The following FBXO9 variants were observed in gnomAD, a reference collection of about 807,000 sequenced individuals.
FBXO9 encodes the protein F-box only protein 9.
In FBXO9, 43 loss-of-function variants were observed where a neutral mutation model predicts 63.7. The observed-to-expected ratio is 0.67, with a 90% CI of 0.53 to 0.87. The LOEUF (loss-of-function observed/expected upper bound fraction) is 0.87. Ranked by LOEUF, FBXO9 falls within the 40% of genes least tolerant of loss-of-function variation. FBXO9 has a pLI of 0.00. For synonymous variants in FBXO9, 156 were observed against 171.7 expected (o/e 0.91, Z 0.72); for missense variants, 442 against 533.2 (o/e 0.83, Z 1.68).
chr6:53,089,454 A>C (rs1762985770), intron 7 of FBXO9, among the ~76,000 whole-genome samples: 1 of 152,208 alleles, frequency 6.6e-6, no homozygotes, highest in Non-Finnish European at 1.5e-5. Context: ...TTTTCAGAAG[A>C]AGCAAGGGAA....
chr6:53,093,433 G>T (rs1287576265), intron 9 of FBXO9, 33 bp from the exon 10 acceptor site: 3 of 1,415,918 alleles, frequency 2.1e-6, no homozygotes, highest in Non-Finnish European at 1.0e-6. Context: ...TGTGTGGGGG[G>T]TGTGTTTTGG....
chr6:53,071,059 A>T lies in FBXO9; in HGVS notation c.6A>T (p.Ala2=). The stretch of plus-strand genomic sequence containing the variant: ...TTATTTGGGTTTTCCCCCCTCAGGC[A>T]GAAGCTGAGGAAGATTGTCATTCTG... M[A]EAEEDCHSDT... The change falls in exon 2 of 13, where the codon GCA becomes GCT. Residue 2 remains alanine (A), a splice_region_variant and synonymous_variant. Transcript: ENST00000323557. 6.4e-7 allele frequency: 1 copy of T among 1,571,050 alleles called. No homozygotes were observed.
chr6:53,095,758 G>A, intron 12 of FBXO9, 94 bp downstream of exon 12: 2 of 1,231,432 alleles, frequency 1.6e-6, no homozygotes, highest in South Asian at 3.2e-5. Flanking sequence ...ATTTCTCAGA[G>A]TTAACACTAC....
Position 53,082,498 on chromosome 6 carries a change from T to C in FBXO9, c.539-6T>C. On this transcript the variant is annotated splice_polypyrimidine_tract_variant and splice_region_variant and intron_variant, in intron 6 of 12. Coordinates refer to ENST00000323557, the MANE Select transcript of FBXO9 (RefSeq NM_033480.3). ...AGAGTCACTGAAGGATGATTTTCTT[T>C]TGCAGTGCTGCCAATGGAGGTCCTG... 6.2e-7 allele frequency: 1 copy of C among 1,601,212 alleles called. No homozygotes were observed. The highest frequency in any genetic ancestry group is 8.5e-7 in the Non-Finnish European group (1 of 1,169,716).
At chr6:53,088,960 C>T (rs1211276301) in intron 7 of FBXO9, among the ~76,000 whole-genome samples, 9 of 150,824 alleles carry the variant, frequency 6.0e-5, no homozygotes, top group Admixed American at 2.0e-4. Context: ...CTCGCTCTGT[C>T]GCCCAGGCTG....
Position 53,065,598 on chromosome 6 carries a change from G to A in FBXO9, c.-192G>A. The A allele has an allele frequency of 1.6e-6, 1 of 631,178 alleles. No individual in the cohort carries two copies. Among genetic ancestry groups the A allele is most frequent in the Admixed American group, 4.3e-5 (1 of 23,068 alleles). The allele number at this position is 631,178 out of a possible 1,614,324, so 39.1% of individuals were successfully genotyped here. A position where few individuals can be genotyped will look rare whatever the true frequency, so the allele number is the denominator to read the frequency against. On this transcript the variant is annotated 5_prime_UTR_variant, in exon 1 of 13. Transcript: ENST00000323557. ...GCCCCGATCTGGCCCCCTGCCCCGC[G>A]AAGATGGCTGCCGTACGCCGGGCCC...
chr6:53,097,038 T>C (rs1327613387), intron 12 of FBXO9, among the ~76,000 whole-genome samples: 1 of 152,196 alleles, frequency 6.6e-6, no homozygotes, highest in East Asian at 1.9e-4. Flanking sequence ...GAGGCATTAT[T>C]TGTAGCTGCT....
chr6:53,096,931 T>C (rs534630698), intron 12 of FBXO9, among the ~76,000 whole-genome samples: 9 of 152,158 alleles, frequency 5.9e-5, no homozygotes, highest in Admixed American at 5.2e-4. Context: ...AACCAAACCC[T>C]GAAGTAGAGC....
chr6:53,077,928 T>C (rs775617185), intron 4 of FBXO9, among the ~76,000 whole-genome samples: 5 of 152,208 alleles, frequency 3.3e-5, no homozygotes, highest in Non-Finnish European at 5.9e-5. Context: ...CTCCAAGTTC[T>C]ACTGGTGTAT....
Position 53,072,944 on chromosome 6 carries a change from A to C in FBXO9, c.91-537A>C, listed in dbSNP as rs183336087. ...CACCATGTTGGCCGGGCTGTTCTCGAACTCCTGACCTCAGGTGATCCGTCT... is the reference window on the plus strand; with the variant it reads ...CACCATGTTGGCCGGGCTGTTCTCGCACTCCTGACCTCAGGTGATCCGTCT... On this transcript the variant is annotated intron_variant, in intron 2 of 12. Transcript: ENST00000323557. 6.6e-4 allele frequency among the ~76,000 whole-genome samples: 100 copies of C among 152,266 alleles called. 2 individuals are homozygous for C. The East Asian group carries it at 0.017, about 26-fold the overall frequency.
At chr6:53,094,069 TTTCTGA>T in intron 11 of FBXO9, 91 bp downstream of exon 11, 1 of 632,352 alleles carries the variant, frequency 1.6e-6, no homozygotes, top group Non-Finnish European at 2.5e-6. Context: ...AAAAAAACCC[TTTCTGA>T]TTATTTATAC....
intron 2 of FBXO9, among the ~76,000 whole-genome samples, 172 bp downstream of exon 2, chr6:53,071,315 G>T (rs756205334): frequency 6.6e-6 from 1 of 152,154 alleles, no homozygotes; most frequent in Non-Finnish European, 1.5e-5. Flanking sequence ...TTTGTGAAAA[G>T]AAATATCAAT....
In FBXO9 at chr6:53,065,631, T is replaced by C. The variant is rs998780153; in HGVS notation, c.-159T>C. The C allele has an allele frequency of 1.8e-5, 16 of 871,800 alleles. No homozygotes were observed. The highest frequency in any genetic ancestry group is 2.5e-5 in the Non-Finnish European group (16 of 646,646). The allele number at this position is 871,800 out of a possible 1,614,324, so 54.0% of individuals were successfully genotyped here. Reference sequence around the variant, plus strand: ...CTGCCGTACGCCGGGCCCGCAGTTATTGCCGCTGCCTGGTGCGCTTCTCCG... The same window carrying C: ...CTGCCGTACGCCGGGCCCGCAGTTACTGCCGCTGCCTGGTGCGCTTCTCCG... On this transcript the variant is annotated 5_prime_UTR_variant, in exon 1 of 13. Coordinates refer to ENST00000323557, the MANE Select transcript of FBXO9 (RefSeq NM_033480.3).
intron 7 of FBXO9, 135 bp from the exon 8 acceptor site, chr6:53,092,294 A>T: frequency 1.6e-6 from 1 of 642,804 alleles, no homozygotes; most frequent in Non-Finnish European, 2.7e-6. Context: ...TGCCTTGTCC[A>T]TTAGTTTCTC....
chr6:53,092,542 T>G lies in FBXO9; in HGVS notation c.767T>G (p.Phe256Cys). 1 of 1,612,354 alleles carries G rather than the reference T, an allele frequency of 6.2e-7. No individual in the cohort carries two copies. Among genetic ancestry groups the G allele is most frequent in the South Asian group, 1.1e-5 (1 of 91,046 alleles). ...EMFLERPRVR[F>C]DGVYISKTTY... ...TTTTTAGAACGGCCTCGTGTTCGGT[T>G]TGATGGTAAGTTGGATTCTGTAGAA... Residue 256 changes from phenylalanine (F) to cysteine (C), a missense_variant, in exon 8 of 13, where the codon TTT becomes TGT. Physicochemically the swap from Phe to Cys is radical, Grantham distance 205. Coordinates refer to ENST00000323557, the MANE Select transcript of FBXO9 (RefSeq NM_033480.3).
chr6:53,078,717 A>G lies in FBXO9; in HGVS notation c.308-82A>G, dbSNP rs1414501452. On this transcript the variant is annotated intron_variant, in intron 4 of 12. Transcript: ENST00000323557. ...TGGCCGTTTGTAAAGAAAGTTACCA[A>G]ATTAAACCACAGTTAAGGGTAATCA... is the stretch of plus-strand genomic sequence containing the variant. The G allele has an allele frequency of 1.9e-5, 20 of 1,033,608 alleles. No individual in the cohort carries two copies. The Admixed American group carries it at 2.8e-4, about 15-fold the overall frequency. 64.0% of individuals were successfully genotyped at this position (1,033,608 alleles called of 1,614,324 possible). A position where few individuals can be genotyped will look rare whatever the true frequency, so the allele number is the denominator to read the frequency against.
rs766655535 is a variant in FBXO9, at chr6:53,078,907, A to G, written c.407+9A>G. ...GGCGTTGGAAACAGCTAGTGCGTAT[A>G]TAATTTGATAGATAGTAATGCATAG... On this transcript the variant is annotated intron_variant, in intron 5 of 12. Transcript: ENST00000323557. 2 of 1,598,008 alleles carry G rather than the reference A, an allele frequency of 1.3e-6. No homozygotes were observed. Among genetic ancestry groups the G allele is most frequent in the Non-Finnish European group, 1.7e-6 (2 of 1,165,356 alleles).
chr6:53,085,086 AAT>A (rs1224662156), intron 7 of FBXO9, among the ~76,000 whole-genome samples: 1 of 152,232 alleles, frequency 6.6e-6, no homozygotes, highest in Non-Finnish European at 1.5e-5. Flanking sequence ...AAATAAAAAT[AAT>A]ATGAATAGTT....
intron 1 of FBXO9, 111 bp downstream of exon 1, chr6:53,065,903 C>A: frequency 1.6e-6 from 2 of 1,214,176 alleles, no homozygotes; most frequent in Non-Finnish European, 2.1e-6. Context: ...GGAGTGGGAG[C>A]TTCACGGCTG....
Sources: allele counts gnomAD v4.1 joint callset (sites outside exome capture counted in the v4.1 genomes callset), GRCh38; gene constraint gnomAD v4.1.1; transcripts MANE v1.5; gene names NCBI Gene and HGNC (gene_info 2026-07-23, HGNC 2026-07-21).